GRID2: variants seen among roughly 807,000 people sequenced by gnomAD.
GRID2 encodes the protein glutamate ionotropic receptor delta type subunit 2.
Under a neutral mutation model 114.8 loss-of-function variants are expected in GRID2, and 33 were observed. That is an observed-to-expected ratio of 0.29 (90% CI 0.22 to 0.38). The LOEUF (loss-of-function observed/expected upper bound fraction) is 0.38. GRID2 is among the 10% of genes least tolerant of loss of function. GRID2 has a pLI of 1.00. For synonymous variants in GRID2, 505 were observed against 449.9 expected (o/e 1.12, Z -1.55); for missense variants, 1,184 against 1,257.7 (o/e 0.94, Z 0.89).
chr4:92,867,589 T>A (rs1744963435), intron 2 of GRID2, among the ~76,000 whole-genome samples: 1 of 152,230 alleles, frequency 6.6e-6, no homozygotes, highest in Admixed American at 6.5e-5. Context: ...ATTATTTTTT[T>A]TTTTTTTTGC....
intron 2 of GRID2, among the ~76,000 whole-genome samples, chr4:92,649,199 A>G (rs1357778103): frequency 8.7e-6 from 1 of 114,584 alleles, no homozygotes; most frequent in African/African-American, 3.4e-5. Context: ...AGAGGGAAAG[A>G]TTATGAAAAT....
At chr4:92,894,325 G>T (rs1254205603) in intron 2 of GRID2, among the ~76,000 whole-genome samples, 1 of 152,012 alleles carries the variant, frequency 6.6e-6, no homozygotes, top group Non-Finnish European at 1.5e-5. Context: ...GACTGAATAT[G>T]ATATTTTTAA....
At chr4:92,462,313 A>C (rs2149088743) in intron 1 of GRID2, among the ~76,000 whole-genome samples, 1 of 152,168 alleles carries the variant, frequency 6.6e-6, no homozygotes, top group Non-Finnish European at 1.5e-5. Flanking sequence ...ATGCTACTCA[A>C]GCAGGATTGC....
chr4:92,574,497 T>A (rs1727793207), intron 1 of GRID2, among the ~76,000 whole-genome samples: 1 of 151,256 alleles, frequency 6.6e-6, no homozygotes, highest in Non-Finnish European at 1.5e-5. Flanking sequence ...GTAACACAAG[T>A]CTGGTGGTGA....
chr4:92,528,988 A>T lies in GRID2; in HGVS notation c.89-61143A>T, dbSNP rs1725179774. Among the ~76,000 whole-genome samples, 4 of 152,206 alleles carry T rather than the reference A, an allele frequency of 2.6e-5. No homozygotes were observed. In the South Asian group the frequency reaches 8.3e-4, roughly 32 times the overall value. On this transcript the variant is annotated intron_variant, in intron 1 of 15. Coordinates refer to ENST00000282020, the MANE Select transcript of GRID2 (RefSeq NM_001510.4). ...GAACATCTAAGTGAATCTTCAATTT[A>T]GGCAATGGAAGATAGGAAACTGCAA...
At chr4:92,951,875 T>C (rs1161236818) in intron 2 of GRID2, among the ~76,000 whole-genome samples, 1 of 152,202 alleles carries the variant, frequency 6.6e-6, no homozygotes, top group African/African-American at 2.4e-5. Flanking sequence ...TATTAATCTT[T>C]TATTCCTAAA....
At chr4:93,801,434 C>A (rs1734925225) in intron 1 of GRID2, among the ~76,000 whole-genome samples, 1 of 151,606 alleles carries the variant, frequency 6.6e-6, no homozygotes, top group African/African-American at 2.4e-5. Flanking sequence ...ATGACATAGT[C>A]CTGAAAGATT....
intron 1 of GRID2, among the ~76,000 whole-genome samples, chr4:92,388,085 A>G (rs1198783993): frequency 6.6e-6 from 1 of 152,056 alleles, no homozygotes; most frequent in South Asian, 2.1e-4. Flanking sequence ...TCCTACCAGC[A>G]CTGCCTGCTG....
chr4:93,031,691 C>T (rs1724454340), intron 2 of GRID2, among the ~76,000 whole-genome samples: 1 of 151,872 alleles, frequency 6.6e-6, no homozygotes, highest in African/African-American at 2.4e-5. Flanking sequence ...CTTTGCTCTT[C>T]TGCCAAGATT....
At chr4:93,672,690 A>G (rs74587755) in intron 14 of GRID2, among the ~76,000 whole-genome samples, 2,030 of 152,250 alleles carry the variant, frequency 0.013, 40 homozygotes, top group African/African-American at 0.046. Context: ...TCTGAGCAAA[A>G]TCCCAACCAT....
intron 2 of GRID2, among the ~76,000 whole-genome samples, chr4:92,728,467 C>T (rs1024481311): frequency 1.3e-5 from 2 of 151,996 alleles, no homozygotes; most frequent in Non-Finnish European, 2.9e-5. Flanking sequence ...TGACAATCCT[C>T]AGTCCTTCAC....
At chr4:92,504,470 T>A (rs1723850811) in intron 1 of GRID2, among the ~76,000 whole-genome samples, 1 of 152,046 alleles carries the variant, frequency 6.6e-6, no homozygotes, top group South Asian at 2.1e-4. Context: ...TATGTTGAGA[T>A]TGACTCCAGA....
chr4:92,536,693 A>C, intron 1 of GRID2, among the ~76,000 whole-genome samples: 1 of 152,150 alleles, frequency 6.6e-6, no homozygotes, highest in East Asian at 1.9e-4. Flanking sequence ...TTTAAAAAAT[A>C]ATTTTCTTCC....
intron 1 of GRID2, among the ~76,000 whole-genome samples, chr4:92,476,040 T>TTG (rs1459964653): frequency 6.7e-6 from 1 of 150,010 alleles, no homozygotes; most frequent in Non-Finnish European, 1.5e-5. Flanking sequence ...TTTTTTTTTT[T>TTG]TGTGACGGAG....
At chr4:93,498,473 AT>A (rs1727756564) in intron 12 of GRID2, among the ~76,000 whole-genome samples, 1 of 151,904 alleles carries the variant, frequency 6.6e-6, no homozygotes, top group Non-Finnish European at 1.5e-5. Flanking sequence ...TATTAAAATC[AT>A]AGTAATTGAA....
At chr4:93,785,250 A>C (rs1328754743) in intron 1 of GRID2, among the ~76,000 whole-genome samples, 1 of 152,222 alleles carries the variant, frequency 6.6e-6, no homozygotes, top group Non-Finnish European at 1.5e-5. Flanking sequence ...ACAGCTGTGA[A>C]TATTGGAAAT....
chr4:93,061,473 A>G (rs1727802873), intron 2 of GRID2, among the ~76,000 whole-genome samples: 1 of 152,076 alleles, frequency 6.6e-6, no homozygotes, highest in African/African-American at 2.4e-5. Flanking sequence ...AAATCAATGG[A>G]TAGAAAAATA....
rs578004373 is a variant in GRID2 at position 92,705,640 on chromosome 4, C to T, written c.244+115354C>T. Among the ~76,000 whole-genome samples the T allele has an allele frequency of 7.2e-5, 11 of 152,308 alleles. No individual in the cohort carries two copies. The South Asian group carries it at 2.1e-3, about 29-fold the overall frequency. On this transcript the variant is annotated intron_variant, in intron 2 of 15. Coordinates refer to ENST00000282020, the MANE Select transcript of GRID2 (RefSeq NM_001510.4). The stretch of plus-strand genomic sequence containing the variant: ...TTGTCCTACCTACACTCTGGTTGCT[C>T]AGGGGAATTTAATTTGCCTATTTCA...
intron 13 of GRID2, among the ~76,000 whole-genome samples, chr4:93,589,343 G>C (rs565002919): frequency 6.6e-6 from 1 of 151,264 alleles, no homozygotes; most frequent in Non-Finnish European, 1.5e-5. Context: ...GAGAATGATG[G>C]TTTCCAATTT....
Sources: gnomAD v4.1 joint callset for allele counts (sites outside exome capture counted in the v4.1 genomes callset) on GRCh38, gnomAD v4.1.1 for gene constraint, MANE v1.5 for transcripts, NCBI Gene and HGNC (gene_info 2026-07-23, HGNC 2026-07-21) for gene names.